Variants in OVCH1 observed in about 807,000 individuals in gnomAD.
OVCH1 encodes the protein ovochymase 1.
Under a neutral mutation model 138.4 loss-of-function variants are expected in OVCH1, and 139 were observed. The ratio of observed to expected loss-of-function variants is 1.00; its 90% CI spans 0.87 to 1.16. The LOEUF (loss-of-function observed/expected upper bound fraction) is 1.16. Among genes scored for constraint, OVCH1 ranks in the 50% most tolerant of loss-of-function variants. The pLI is 0.00. For synonymous variants in OVCH1, 453 were observed against 467.8 expected (o/e 0.97, Z 0.41); for missense variants, 1,367 against 1,357.9 (o/e 1.01, Z -0.11).
chr12:29,476,272 A>G, exon 13 of OVCH1: 1 of 1,613,602 alleles, frequency 6.2e-7, no homozygotes, highest in Non-Finnish European at 8.5e-7. Context: ...TTTGGACTAA[A>G]TTTGACAGCA....
chr12:29,465,245 T>C, intron 16 of OVCH1, 26 bp from the exon 17 acceptor site: 1 of 1,559,022 alleles, frequency 6.4e-7, no homozygotes, highest in South Asian at 1.2e-5. Flanking sequence ...CAGTGAAAGT[T>C]TGACATGAAA....
chr12:29,468,105 A>G (rs1942380411), intron 16 of OVCH1, among the ~76,000 whole-genome samples: 2 of 152,320 alleles, frequency 1.3e-5, no homozygotes, highest in Middle Eastern at 3.4e-3. Flanking sequence ...ATGTGCAAAA[A>G]AAGTGATATA....
intron 16 of OVCH1, among the ~76,000 whole-genome samples, chr12:29,466,086 G>A (rs1009781172): frequency 4.3e-5 from 6 of 138,314 alleles, no homozygotes; most frequent in Admixed American, 1.5e-4. Context: ...ATCACACACC[G>A]GGGACTGTTG....
At chr12:29,422,324 C>G (rs145373633) in intron 3 of OVCH1, among the ~76,000 whole-genome samples, 40 of 152,278 alleles carry the variant, frequency 2.6e-4, no homozygotes, top group African/African-American at 9.4e-4. Flanking sequence ...ATCCCTTAAA[C>G]TATTCAAAGT....
Position 29,477,484 on chromosome 12 carries a change from A to G in OVCH1, c.1114-11T>C. 6.2e-7 allele frequency: 1 copy of G among 1,613,968 alleles called. No individual in the cohort carries two copies. The highest frequency in any genetic ancestry group is 8.5e-7 in the Non-Finnish European group (1 of 1,179,880). On this transcript the variant is annotated splice_polypyrimidine_tract_variant and intron_variant, in intron 10 of 27. Coordinates refer to ENST00000318184, the Ensembl canonical transcript of OVCH1. ...TATTTTTCCACAGACCTTACCTTAA[A>G]AGAAGAGAAGGAAAGTGAAATAACA...
At chr12:29,409,903 T>G (rs10843413), downstream of OVCH1, among the ~76,000 whole-genome samples, 38,545 of 151,928 alleles carry the variant, frequency 0.25, 5,272 homozygotes, top group Admixed American at 0.41. Context: ...CTGTTGACAG[T>G]GGGGTGTTAA....
intron 22 of OVCH1, among the ~76,000 whole-genome samples, chr12:29,447,776 T>G (rs957457310): frequency 6.6e-6 from 1 of 151,706 alleles, no homozygotes; most frequent in South Asian, 2.1e-4. Context: ...GCCAATGTAA[T>G]AGACAATGAC....
At chr12:29,487,904 G>T (rs903847179) in intron 6 of OVCH1, 22 bp from the exon 7 acceptor site, 1 of 1,577,828 alleles carries the variant, frequency 6.3e-7, no homozygotes, top group African/African-American at 1.4e-5. Context: ...CAAAAAAAGA[G>T]AAAATTTGAA....
chr12:29,455,738 T>C (rs1293609004), intron 19 of OVCH1, among the ~76,000 whole-genome samples: 2 of 152,232 alleles, frequency 1.3e-5, no homozygotes, highest in African/African-American at 4.8e-5. Flanking sequence ...ATATTTAAGA[T>C]TTCAAGCATC....
At chr12:29,410,982 C>T (rs1438015154), downstream of OVCH1, among the ~76,000 whole-genome samples, 2 of 151,826 alleles carry the variant, frequency 1.3e-5, no homozygotes, top group Admixed American at 6.6e-5. Flanking sequence ...TCACATAGTC[C>T]CATATTTCTT....
chr12:29,428,534 G>C (rs1195525896), intron 27 of OVCH1, among the ~76,000 whole-genome samples: 1 of 152,148 alleles, frequency 6.6e-6, no homozygotes, highest in Non-Finnish European at 1.5e-5. Flanking sequence ...TGGTGCTATG[G>C]AGACCCATGG....
chr12:29,476,803 AC>A (rs1942748284), intron 12 of OVCH1, among the ~76,000 whole-genome samples: 1 of 40,648 alleles, frequency 2.5e-5, no homozygotes, highest in South Asian at 7.2e-4. Flanking sequence ...ACACACACAC[AC>A]ACAGGTTAGT....
At chr12:29,431,026 A>G (rs879020365) in intron 27 of OVCH1, 11 of 387,026 alleles carry the variant, frequency 2.8e-5, no homozygotes, top group South Asian at 2.2e-4. Context: ...TAGAATAAGA[A>G]CATTCAGGGT....
chr12:29,466,136 T>C (rs1942310786), intron 16 of OVCH1, among the ~76,000 whole-genome samples: 1 of 149,954 alleles, frequency 6.7e-6, no homozygotes, highest in Admixed American at 6.6e-5. Flanking sequence ...TTAGGAGATA[T>C]ACCTAATGTA....
At chr12:29,480,885 C>A (rs1942908673) in intron 8 of OVCH1, among the ~76,000 whole-genome samples, 1 of 152,168 alleles carries the variant, frequency 6.6e-6, no homozygotes, top group African/African-American at 2.4e-5. Flanking sequence ...ACTGACTGTG[C>A]AAATTGGCCC....
At chr12:29,489,505 G>T in intron 6 of OVCH1, 115 bp downstream of exon 6, 1 of 1,220,008 alleles carries the variant, frequency 8.2e-7, no homozygotes. Context: ...AAAAGATGAA[G>T]GGAAAAAGAA....
chr12:29,488,636 A>AG (rs1361884662), intron 6 of OVCH1, among the ~76,000 whole-genome samples: 1 of 151,044 alleles, frequency 6.6e-6, no homozygotes, highest in African/African-American at 2.4e-5. Flanking sequence ...AAAAAAAAAA[A>AG]AAAAAAAGAA....
At chr12:29,410,456 C>A (rs1419639198), downstream of OVCH1, among the ~76,000 whole-genome samples, 1 of 150,754 alleles carries the variant, frequency 6.6e-6, no homozygotes, top group Non-Finnish European at 1.5e-5. Flanking sequence ...ACCGGTTGTT[C>A]CTTTCCATGT....
chr12:29,424,983 A>T (rs1941159326), downstream of OVCH1, among the ~76,000 whole-genome samples: 1 of 152,208 alleles, frequency 6.6e-6, no homozygotes, highest in African/African-American at 2.4e-5. Flanking sequence ...TTAACACGCC[A>T]CATTAAATTA....
Sources: gnomAD v4.1 joint callset for allele counts (sites outside exome capture counted in the v4.1 genomes callset) on GRCh38, gnomAD v4.1.1 for gene constraint, MANE v1.5 for transcripts, NCBI Gene and HGNC (gene_info 2026-07-23, HGNC 2026-07-21) for gene names.